The following ELAVL1 variants were observed in gnomAD, a reference collection of about 807,000 sequenced individuals.
The protein encoded by ELAVL1 is ELAV-like protein 1.
Under a neutral mutation model 28.4 loss-of-function variants are expected in ELAVL1, and 1 was observed. The ratio of observed to expected loss-of-function variants is 0.04; its 90% CI spans 0.01 to 0.17. The LOEUF is 0.17. Among genes scored for constraint, ELAVL1 ranks in the 10% least tolerant of loss-of-function variants. ELAVL1 has a pLI of 1.00. For missense variants in ELAVL1, 157 were observed against 447.2 expected (o/e 0.35, Z 5.85); for synonymous variants, 174 against 183.5 (o/e 0.95, Z 0.42).
rs1012086669 is a variant in ELAVL1, at chr19:7,960,697, A to G, written c.*2786T>C. ...CAAACCAGATTTTTGATAAATGAAC[A>G]TTATCTACTCTGAACGCTTTTTCAT... On this transcript the variant is annotated 3_prime_UTR_variant, in exon 6 of 6. Transcript: ENST00000407627. The G allele has an allele frequency of 2.0e-5, 3 of 152,662 alleles. No homozygotes were observed. Among genetic ancestry groups the G allele is most frequent in the Admixed American group, 2.0e-4 (3 of 15,276 alleles). 9.5% of individuals were successfully genotyped at this position (152,662 alleles called of 1,614,324 possible). A position where few individuals can be genotyped will look rare whatever the true frequency, so the allele number is the denominator to read the frequency against.
chr19:7,977,793 G>T (rs951125390), intron 3 of ELAVL1, among the ~76,000 whole-genome samples: 1 of 152,274 alleles, frequency 6.6e-6, no homozygotes, highest in African/African-American at 2.4e-5. Context: ...AGCCCAGGAT[G>T]AGCACAAGGC....
chr19:7,966,974 C>T (rs914352933), intron 5 of ELAVL1, among the ~76,000 whole-genome samples: 1 of 152,014 alleles, frequency 6.6e-6, no homozygotes, highest in Non-Finnish European at 1.5e-5. Context: ...GAACTGCGTG[C>T]TGAAGCTCTA....
rs1262291019 is a variant in ELAVL1, at chr19:7,958,911, T to C, written c.*4572A>G. 6.5e-6 allele frequency: 1 copy of C among 153,602 alleles called. No individual in the cohort carries two copies. Among genetic ancestry groups the C allele is most frequent in the Non-Finnish European group, 1.5e-5 (1 of 68,026 alleles). The allele number at this position is 153,602 out of a possible 1,614,324, so 9.5% of individuals were successfully genotyped here. The stretch of plus-strand genomic sequence containing the variant: ...AGTTTCATTCTCTTTGAGAAAGCCA[T>C]TGACAAAAAATATTCACACTTCACT... On this transcript the variant is annotated 3_prime_UTR_variant, in exon 6 of 6. Coordinates refer to ENST00000407627, the MANE Select transcript of ELAVL1 (RefSeq NM_001419.3).
At chr19:8,002,448 G>A (rs1470540355) in intron 1 of ELAVL1, among the ~76,000 whole-genome samples, 1 of 152,214 alleles carries the variant, frequency 6.6e-6, no homozygotes, top group African/African-American at 2.4e-5. Context: ...CAGCGGAGCA[G>A]GGAGAGTCGT....
chr19:7,962,373 C>A lies in ELAVL1; in HGVS notation c.*1110G>T, dbSNP rs1254088649. The A allele has an allele frequency of 6.6e-6, 1 of 152,648 alleles. No homozygotes were observed. The highest frequency in any genetic ancestry group is 2.1e-4 in the South Asian group (1 of 4,814). The allele number at this position is 152,648 out of a possible 1,614,324, so 9.5% of individuals were successfully genotyped here. ...AGAAAATTAACAGAACAGAACAACC[C>A]AAAATGTCAAGGCAGTTATGAAGAG... On this transcript the variant is annotated 3_prime_UTR_variant, in exon 6 of 6. Coordinates refer to ENST00000407627, the MANE Select transcript of ELAVL1 (RefSeq NM_001419.3).
At chr19:7,969,021 TC>T (rs1203119142) in intron 4 of ELAVL1, among the ~76,000 whole-genome samples, 1 of 152,134 alleles carries the variant, frequency 6.6e-6, no homozygotes, top group Non-Finnish European at 1.5e-5. Context: ...CACGGGTGTG[TC>T]CCAGTGGGAG....
rs574319237 is a variant in ELAVL1, at chr19:8,001,387, G to A, written c.-17+4108C>T. 2.6e-5 allele frequency among the ~76,000 whole-genome samples: 4 copies of A among 152,210 alleles called. No homozygotes were observed. In the East Asian group the frequency reaches 7.7e-4, roughly 29 times the overall value. On this transcript the variant is annotated intron_variant, in intron 1 of 5. Transcript: ENST00000407627. The stretch of plus-strand genomic sequence containing the variant: ...AGTTTGACATGTGAGATCTCTCACC[G>A]TCCTGCCACCTCTCTGCCACCATCC...
At chr19:7,980,669 C>T (rs1489441874) in intron 3 of ELAVL1, among the ~76,000 whole-genome samples, 1 of 152,194 alleles carries the variant, frequency 6.6e-6, no homozygotes, top group Non-Finnish European at 1.5e-5. Context: ...ACCCCCGACC[C>T]ACGGGGGCAC....
rs758693392 is a variant in ELAVL1 at position 7,973,229 on chromosome 19, C to CT, written c.430+495dup. On this transcript the variant is annotated intron_variant, in intron 4 of 5. Coordinates refer to ENST00000407627, the MANE Select transcript of ELAVL1 (RefSeq NM_001419.3). ...CATGAAATGCTGGCCTAATCCCCAG[C>CT]TTTTTTTTTTTTTTTTTTTAAGACG... The CT allele has an allele frequency of 5.7e-3, 792 of 139,634 alleles. 1 individual carries two copies. The highest frequency in any genetic ancestry group is 0.011 in the African/African-American group (395 of 36,734). The allele number at this position is 139,634 out of a possible 1,614,324, so 8.6% of individuals were successfully genotyped here. A position where few individuals can be genotyped will look rare whatever the true frequency, so the allele number is the denominator to read the frequency against.
At chr19:7,974,212 AG>A (rs112681143) in intron 3 of ELAVL1, among the ~76,000 whole-genome samples, 23,585 of 152,252 alleles carry the variant, frequency 0.15, 2,191 homozygotes, top group Non-Finnish European at 0.21. Context: ...AGCCGGTGCC[AG>A]AGAGGTCCTG....
intron 4 of ELAVL1, among the ~76,000 whole-genome samples, chr19:7,969,853 G>C (rs969305865): frequency 5.9e-5 from 9 of 152,094 alleles, no homozygotes; most frequent in Non-Finnish European, 1.0e-4. Flanking sequence ...CTCTAGTAAG[G>C]GGGGCAGGAG....
Position 7,983,000 on chromosome 19 carries a change from G to A in ELAVL1, c.173-1814C>T, listed in dbSNP as rs1985502146. ...AGGCAGTCAGTTTGCCAGGTTTCTT[G>A]GCTGTAAAGTGACTCCCACCCCTTT... is the stretch of plus-strand genomic sequence containing the variant. On this transcript the variant is annotated intron_variant, in intron 2 of 5. Coordinates refer to ENST00000407627, the MANE Select transcript of ELAVL1 (RefSeq NM_001419.3). This position sits in a 1 kb window ranked among gnomAD's most constrained non-coding sequence, Gnocchi z 4.3. Among the ~76,000 whole-genome samples the A allele has an allele frequency of 6.6e-6, 1 of 152,160 alleles. No individual in the cohort carries two copies. Among genetic ancestry groups the A allele is most frequent in the East Asian group, 1.9e-4 (1 of 5,186 alleles).
intron 1 of ELAVL1, among the ~76,000 whole-genome samples, chr19:8,005,226 C>G (rs1481676883): frequency 6.6e-6 from 1 of 151,938 alleles, no homozygotes; most frequent in Non-Finnish European, 1.5e-5. Context: ...CCGTGCAGCC[C>G]GGCCCCCCGG....
intron 4 of ELAVL1, among the ~76,000 whole-genome samples, chr19:7,971,382 G>C (rs554841701): frequency 6.6e-6 from 1 of 152,346 alleles, no homozygotes; most frequent in Non-Finnish European, 1.5e-5. Flanking sequence ...GTGCATGTGG[G>C]GTCTAGAGGA....
At chr19:7,967,432 T>C in intron 5 of ELAVL1, 133 bp downstream of exon 5, 1 of 988,840 alleles carries the variant, frequency 1.0e-6, no homozygotes, top group East Asian at 2.6e-5. Flanking sequence ...GGTGTGGAGC[T>C]GCAGAATGAT....
At chr19:7,980,359 A>G (rs971735085) in intron 3 of ELAVL1, among the ~76,000 whole-genome samples, 4 of 152,194 alleles carry the variant, frequency 2.6e-5, no homozygotes, top group African/African-American at 9.7e-5. Flanking sequence ...TACAGGTGGC[A>G]GGAGCTGCCC....
At chr19:7,983,281 C>G (rs1052870251) in intron 2 of ELAVL1, among the ~76,000 whole-genome samples, 2 of 152,162 alleles carry the variant, frequency 1.3e-5, no homozygotes, top group African/African-American at 4.8e-5. Flanking sequence ...CCGTGTGGAG[C>G]GAATTGGGAT....
At chr19:7,988,255 G>A (rs1985657223) in intron 2 of ELAVL1, among the ~76,000 whole-genome samples, 2 of 152,140 alleles carry the variant, frequency 1.3e-5, no homozygotes, top group Non-Finnish European at 2.9e-5. Flanking sequence ...GGTCAGTTAG[G>A]AATATACTGA....
Position 7,973,893 on chromosome 19 carries a change from C to A in ELAVL1, c.277-15G>T. On this transcript the variant is annotated splice_polypyrimidine_tract_variant and intron_variant, in intron 3 of 5. Transcript: ENST00000407627. ...GCATACGACACCTTGGGAACACAACCACTTTCCGAGATTAGTACAGGCACG... is the reference window on the plus strand; with the variant it reads ...GCATACGACACCTTGGGAACACAACAACTTTCCGAGATTAGTACAGGCACG... 1 of 1,613,460 alleles carries A rather than the reference C, an allele frequency of 6.2e-7. No individual in the cohort carries two copies. The highest frequency in any genetic ancestry group is 1.1e-5 in the South Asian group (1 of 91,058).
Sources: allele counts gnomAD v4.1 joint callset (sites outside exome capture counted in the v4.1 genomes callset), GRCh38; gene constraint gnomAD v4.1.1; non-coding constraint Gnocchi (gnomAD v3.1); transcripts MANE v1.5; gene names NCBI Gene and HGNC (gene_info 2026-07-23, HGNC 2026-07-21).